Variants in ADAMTS19 observed in about 807,000 individuals in gnomAD.
ADAMTS19 encodes ADAM metallopeptidase with thrombospondin type 1 motif 19.
Under a neutral mutation model 153.3 loss-of-function variants are expected in ADAMTS19, and 93 were observed. That is an observed-to-expected ratio of 0.61 (90% CI 0.51 to 0.72). ADAMTS19 has a LOEUF of 0.72. Among genes scored for constraint, ADAMTS19 ranks in the 30% least tolerant of loss-of-function variants. The pLI is 0.00. For synonymous variants in ADAMTS19, 600 were observed against 556.6 expected (o/e 1.08, Z -1.10); for missense variants, 1,482 against 1,552.1 (o/e 0.95, Z 0.76).
chr5:129,719,765 G>A (rs1434192534), intron 21 of ADAMTS19, among the ~76,000 whole-genome samples: 1 of 152,172 alleles, frequency 6.6e-6, no homozygotes, highest in Non-Finnish European at 1.5e-5. Flanking sequence ...TATCAGCTGG[G>A]CGCAGTGGCC....
intron 21 of ADAMTS19, among the ~76,000 whole-genome samples, chr5:129,733,944 CGTGTGTGTGTGTGTGTGTGTGTGTGTGT>C (rs34177749): frequency 4.1e-5 from 6 of 147,738 alleles, no homozygotes; most frequent in African/African-American, 1.0e-4. Context: ...CAAGTGTGTG[CGTGTGTGTGTGTGTGTGTGTGTGTGTGT>C]GTGTGTGTGT....
intron 8 of ADAMTS19, among the ~76,000 whole-genome samples, chr5:129,608,140 A>ATATATATATATATATATAT (rs1164899419): frequency 2.6e-3 from 350 of 132,556 alleles, no homozygotes; most frequent in Middle Eastern, 4.0e-3. Context: ...ATATATATAT[A>ATATATATATATATATATAT]ATGGAACATT....
At chr5:129,704,512 A>T in intron 21 of ADAMTS19, 121 bp downstream of exon 21, 1 of 1,136,174 alleles carries the variant, frequency 8.8e-7, no homozygotes, top group Non-Finnish European at 1.2e-6. Flanking sequence ...ACATCATGGG[A>T]TATGGGGCAG....
chr5:129,466,142 C>T (rs1418869869), intron 2 of ADAMTS19, among the ~76,000 whole-genome samples: 6 of 152,112 alleles, frequency 3.9e-5, no homozygotes, highest in Non-Finnish European at 5.9e-5. Context: ...TTACCCAGGC[C>T]TGTGGGTGAC....
chr5:129,535,594 G>A (rs562638309), intron 6 of ADAMTS19, among the ~76,000 whole-genome samples: 153 of 152,176 alleles, frequency 1.0e-3, no homozygotes, highest in African/African-American at 2.1e-3. Flanking sequence ...AAAAGAGCCC[G>A]CATTGCCAAG....
At chr5:129,580,003 T>C (rs1749430821) in intron 7 of ADAMTS19, among the ~76,000 whole-genome samples, 1 of 152,208 alleles carries the variant, frequency 6.6e-6, no homozygotes, top group African/African-American at 2.4e-5. Flanking sequence ...GGGGATAGCA[T>C]TGAATCTATG....
intron 8 of ADAMTS19, among the ~76,000 whole-genome samples, chr5:129,599,347 A>G (rs1268416327): frequency 1.3e-5 from 2 of 152,168 alleles, no homozygotes; most frequent in East Asian, 1.9e-4. Context: ...ACAAAGATAC[A>G]TGTCATCATA....
At chr5:129,624,464 G>T (rs963859305) in intron 10 of ADAMTS19, among the ~76,000 whole-genome samples, 1 of 152,106 alleles carries the variant, frequency 6.6e-6, no homozygotes, top group Non-Finnish European at 1.5e-5. Context: ...CACTTTTACA[G>T]GCTGAAGTTA....
chr5:129,613,384 C>G (rs1373198985), intron 8 of ADAMTS19, among the ~76,000 whole-genome samples: 1 of 152,172 alleles, frequency 6.6e-6, no homozygotes, highest in African/African-American at 2.4e-5. Context: ...AAGAAACTCA[C>G]TCAAAACCAC....
rs775007070 is a variant in ADAMTS19 at position 129,460,372 on chromosome 5, C to A, written c.-20C>A. The A allele has an allele frequency of 6.2e-7, 1 of 1,609,254 alleles. No individual in the cohort carries two copies. Among genetic ancestry groups the A allele is most frequent in the Middle Eastern group, 1.7e-4 (1 of 5,998 alleles). ...TGGAGGCGTGCGCCGGGCGAGAAGCCGCGGCCGCGGGAGCGCAGTATGGGG... is the reference window on the plus strand; with the variant it reads ...TGGAGGCGTGCGCCGGGCGAGAAGCAGCGGCCGCGGGAGCGCAGTATGGGG... On this transcript the variant is annotated 5_prime_UTR_variant, in exon 1 of 23. Transcript: ENST00000274487.
chr5:129,712,511 C>T (rs1756529575), intron 21 of ADAMTS19, among the ~76,000 whole-genome samples: 1 of 152,076 alleles, frequency 6.6e-6, no homozygotes, highest in Non-Finnish European at 1.5e-5. Context: ...TCTGGAGAAA[C>T]CATGCAAAAT....
At chr5:129,736,334 G>A (rs890365693) in intron 22 of ADAMTS19, among the ~76,000 whole-genome samples, 1 of 151,972 alleles carries the variant, frequency 6.6e-6, no homozygotes, top group Non-Finnish European at 1.5e-5. Flanking sequence ...AAAATCTAAG[G>A]TGTTTAAAAA....
Position 129,602,826 on chromosome 5 carries a change from CTG to C in ADAMTS19, c.1478+6192_1478+6193del, listed in dbSNP as rs56060749. ...TTTTTGTATTGTTGTCTTATATTCTCTGTGTGTGTGTGTGTGTGTGTGTGTGT... is the reference window on the plus strand; with the variant it reads ...TTTTTGTATTGTTGTCTTATATTCTCTGTGTGTGTGTGTGTGTGTGTGTGT... On this transcript the variant is annotated intron_variant, in intron 8 of 22. Coordinates refer to ENST00000274487, the MANE Select transcript of ADAMTS19 (RefSeq NM_133638.6). 9.4e-3 allele frequency among the ~76,000 whole-genome samples: 1,375 copies of C among 146,404 alleles called. 10 individuals carry two copies. The highest frequency in any genetic ancestry group is 0.024 in the African/African-American group (969 of 39,982).
At chr5:129,732,482 G>A (rs535857596) in intron 21 of ADAMTS19, among the ~76,000 whole-genome samples, 2 of 152,044 alleles carry the variant, frequency 1.3e-5, no homozygotes, top group Non-Finnish European at 2.9e-5. Context: ...GAAGTTTCAG[G>A]ATACAAAATC....
At position 129,620,142 on chromosome 5, in the gene ADAMTS19, G is replaced by C. The variant is rs372655444; in HGVS notation, c.1479-476G>C. Among the ~76,000 whole-genome samples, 14 of 151,846 alleles carry C rather than the reference G, an allele frequency of 9.2e-5. 1 individual carries two copies. In the East Asian group the frequency reaches 1.7e-3, roughly 19 times the overall value. On this transcript the variant is annotated intron_variant, in intron 8 of 22. Transcript: ENST00000274487. ...GGATAATTTGTGCTATATGATGTGG[G>C]AGGAAGAAGATGGTCTAATGAAAGA...
At position 129,461,530 on chromosome 5, in the gene ADAMTS19, C is replaced by T; in HGVS notation, c.520C>T (p.Arg174Trp). 1.3e-6 allele frequency: 2 copies of T among 1,527,476 alleles called. No individual in the cohort carries two copies. The highest frequency in any genetic ancestry group is 8.7e-7 in the Non-Finnish European group (1 of 1,144,100). The allele number at this position is 1,527,476 out of a possible 1,614,324, so 94.6% of individuals were successfully genotyped here. Residue 174 changes from arginine (R) to tryptophan (W), a missense_variant, in exon 2 of 23, where the codon CGG becomes TGG. Physicochemically the swap from Arg to Trp is moderately radical, Grantham distance 101. Around this residue, in one of 2 missense-constraint regions of ADAMTS19, gnomAD observed 866 missense variants for 827.7 expected, o/e 1.05. Coordinates refer to ENST00000274487, the MANE Select transcript of ADAMTS19 (RefSeq NM_133638.6). This position sits in a 1 kb window ranked among gnomAD's most constrained non-coding sequence, Gnocchi z 4.6. Reference protein sequence around the residue: ...AEPDGDEVLLRIPAFSRDLYL... With the variant: ...AEPDGDEVLLWIPAFSRDLYL... ...GCCGGATGGCGACGAAGTGTTGCTG[C>T]GGATCCCGGCCTTCTCTCGGGACCT...
chr5:129,540,249 G>T (rs1017668174), intron 6 of ADAMTS19, among the ~76,000 whole-genome samples: 1 of 151,968 alleles, frequency 6.6e-6, no homozygotes, highest in Non-Finnish European at 1.5e-5. Flanking sequence ...GTCAAGTTTG[G>T]TCTCACATAA....
At chr5:129,587,215 C>T (rs1749852556) in intron 7 of ADAMTS19, among the ~76,000 whole-genome samples, 1 of 152,018 alleles carries the variant, frequency 6.6e-6, no homozygotes. Context: ...TCATAATCTA[C>T]TAATCTCAAA....
intron 8 of ADAMTS19, among the ~76,000 whole-genome samples, chr5:129,607,075 A>G (rs537345747): frequency 1.4e-4 from 21 of 151,982 alleles, no homozygotes; most frequent in African/African-American, 4.8e-4. Context: ...TCAGCACCCC[A>G]CCCAGCTAAT....
Sources: gnomAD v4.1 joint callset for allele counts (sites outside exome capture counted in the v4.1 genomes callset) on GRCh38, gnomAD v4.1.1 for gene constraint, gnomAD v4.1.1 regional missense constraint, Gnocchi (gnomAD v3.1) non-coding constraint, MANE v1.5 for transcripts, NCBI Gene and HGNC (gene_info 2026-07-23, HGNC 2026-07-21) for gene names.